LINC00305: variants seen among roughly 807,000 people sequenced by gnomAD.
LINC00305 encodes the protein long intergenic non-protein coding RNA 305.
At chr18:64,141,870 A>T (rs559552905) in intron 1 of LINC00305, among the ~76,000 whole-genome samples, 1 of 152,184 alleles carries the variant, frequency 6.6e-6, no homozygotes, top group Non-Finnish European at 1.5e-5. Flanking sequence ...TCACTTCATG[A>T]TTATGTGAAA....
intron 1 of LINC00305, among the ~76,000 whole-genome samples, chr18:64,141,484 T>G (rs1404859603): frequency 6.6e-6 from 1 of 151,884 alleles, no homozygotes; most frequent in African/African-American, 2.4e-5. Flanking sequence ...TAGAAAAAAG[T>G]GAAAATAAAA....
At chr18:64,085,013 T>C (rs992984081) in intron 3 of LINC00305, among the ~76,000 whole-genome samples, 5 of 152,154 alleles carry the variant, frequency 3.3e-5, no homozygotes, top group Non-Finnish European at 7.3e-5. Flanking sequence ...CAACCACACA[T>C]AGTGTGGAAT....
At chr18:64,117,115 T>C (rs2051341253) in intron 1 of LINC00305, among the ~76,000 whole-genome samples, 1 of 152,174 alleles carries the variant, frequency 6.6e-6, no homozygotes, top group Non-Finnish European at 1.5e-5. Context: ...TAGTGTTTTT[T>C]TGGAATTAGT....
At chr18:64,095,011 A>G (rs1045806729) in intron 3 of LINC00305, among the ~76,000 whole-genome samples, 100 of 152,202 alleles carry the variant, frequency 6.6e-4, no homozygotes, top group African/African-American at 2.3e-3. Context: ...TGAGCCATAC[A>G]GAGAAGAGAC....
chr18:64,134,676 C>G (rs1269691691), intron 1 of LINC00305, among the ~76,000 whole-genome samples: 2 of 152,164 alleles, frequency 1.3e-5, no homozygotes, highest in Non-Finnish European at 2.9e-5. Context: ...CAAGTTACGT[C>G]ATTTTCTTTC....
chr18:64,139,586 T>C (rs1377197523), intron 1 of LINC00305: 1 of 152,224 alleles, frequency 6.6e-6, no homozygotes, highest in Non-Finnish European at 1.5e-5. Flanking sequence ...AAAAACAATG[T>C]ACATGTGTGT....
In LINC00305 at chr18:64,098,610, T is replaced by C. The variant is rs35371573; in HGVS notation, n.345A>G. ...ATGCACAGTCTATGAAGGTTGATCA[T>C]ATCCAGGGGTGGAACCAGATAATTT... is the stretch of plus-strand genomic sequence containing the variant. On this transcript the variant is annotated non_coding_transcript_exon_variant, in exon 2 of 4. Transcript: ENST00000666468. 2.2e-3 allele frequency: 944 copies of C among 436,322 alleles called. 9 individuals carry two copies. Among genetic ancestry groups the C allele is most frequent in the African/African-American group, 0.018 (890 of 49,202 alleles). 27.0% of individuals were successfully genotyped at this position (436,322 alleles called of 1,614,324 possible).
chr18:64,096,204 A>G (rs1011927344), intron 3 of LINC00305, among the ~76,000 whole-genome samples: 20 of 152,156 alleles, frequency 1.3e-4, no homozygotes, highest in Admixed American at 1.1e-3. Context: ...AAGTGATATG[A>G]AGAAATGAAG....
chr18:64,128,582 G>T (rs1408941110), intron 1 of LINC00305, among the ~76,000 whole-genome samples: 1 of 152,086 alleles, frequency 6.6e-6, no homozygotes, highest in East Asian at 1.9e-4. Flanking sequence ...GGGGTGGAGT[G>T]CTGGGAGAAA....
intron 3 of LINC00305, among the ~76,000 whole-genome samples, chr18:64,090,709 A>AT (rs2051221808): frequency 6.6e-6 from 1 of 152,140 alleles, no homozygotes; most frequent in South Asian, 2.1e-4. Context: ...GTGTCATGGT[A>AT]TTTTTTATTT....
At position 64,142,395 on chromosome 18, in the gene LINC00305, T is replaced by C. The variant is rs373997920; in HGVS notation, n.314+6380A>G. Among the ~76,000 whole-genome samples, 14 of 152,318 alleles carry C rather than the reference T, an allele frequency of 9.2e-5. No individual in the cohort carries two copies. The South Asian group carries it at 2.5e-3, about 27-fold the overall frequency. ...TGGTGGATCCAGGGTAAGTGAGGAA[T>C]GAGGGTCCAATGCTGGTGGAATTGT... On this transcript the variant is annotated intron_variant and non_coding_transcript_variant, in intron 1 of 3. Coordinates refer to ENST00000666468, the Ensembl canonical transcript of LINC00305.
intron 1 of LINC00305, among the ~76,000 whole-genome samples, chr18:64,143,745 GCGTACATGTATGTACACA>G (rs2051481683): frequency 4.3e-5 from 3 of 70,020 alleles, no homozygotes; most frequent in Non-Finnish European, 9.1e-5. Context: ...CACATATTAT[GCGTACATGTATGTACACA>G]TATTATGCGT....
intron 3 of LINC00305, among the ~76,000 whole-genome samples, chr18:64,082,256 G>C (rs2051187875): frequency 6.6e-6 from 1 of 151,838 alleles, no homozygotes; most frequent in African/African-American, 2.4e-5. Context: ...GCACCACCTA[G>C]ACTGGTAATC....
intron 1 of LINC00305, among the ~76,000 whole-genome samples, chr18:64,141,052 T>TAAAAAAAA (rs34175314): frequency 6.2e-5 from 6 of 96,276 alleles, no homozygotes; most frequent in Admixed American, 2.6e-4. Context: ...GCCTGAATGA[T>TAAAAAAAA]AAAAAAAAAA....
chr18:64,136,513 G>A (rs1196129699), intron 1 of LINC00305, among the ~76,000 whole-genome samples: 5 of 152,112 alleles, frequency 3.3e-5, no homozygotes, highest in African/African-American at 9.7e-5. Flanking sequence ...ACTCACTATC[G>A]TGAGAACAGC....
At chr18:64,144,401 G>T (rs1327752748) in intron 1 of LINC00305, among the ~76,000 whole-genome samples, 1 of 152,146 alleles carries the variant, frequency 6.6e-6, no homozygotes, top group Non-Finnish European at 1.5e-5. Flanking sequence ...GCAGGAAAAT[G>T]CACTTTCCCC....
chr18:64,145,025 T>C (rs1037210142), intron 1 of LINC00305, among the ~76,000 whole-genome samples: 3 of 152,278 alleles, frequency 2.0e-5, no homozygotes, highest in African/African-American at 7.2e-5. Flanking sequence ...TCTAGGCCTC[T>C]TTAGGGTTAA....
intron 3 of LINC00305, among the ~76,000 whole-genome samples, chr18:64,085,824 T>G (rs1161262038): frequency 6.6e-6 from 1 of 152,226 alleles, no homozygotes; most frequent in Non-Finnish European, 1.5e-5. Flanking sequence ...TGGGGACAAC[T>G]CTAGCTTTAA....
intron 1 of LINC00305, among the ~76,000 whole-genome samples, chr18:64,130,624 A>G (rs924538894): frequency 6.6e-6 from 1 of 152,188 alleles, no homozygotes; most frequent in Non-Finnish European, 1.5e-5. Flanking sequence ...TAAAAGTTTG[A>G]AAAAGGTCTA....
Sources: allele counts gnomAD v4.1 joint callset (sites outside exome capture counted in the v4.1 genomes callset), GRCh38; gene constraint gnomAD v4.1.1; transcripts MANE v1.5; gene names NCBI Gene and HGNC (gene_info 2026-07-23, HGNC 2026-07-21).